Variants in DPF3 observed in about 807,000 individuals in gnomAD.
DPF3 encodes double PHD fingers 3.
A neutral mutation model predicts 56.8 loss-of-function variants in DPF3; 18 were observed. The observed-to-expected ratio is 0.32, with a 90% CI of 0.22 to 0.47. DPF3 has a LOEUF of 0.47. Among genes scored for constraint, DPF3 ranks in the 20% least tolerant of loss-of-function variants. The probability of loss-of-function intolerance (pLI) is 1.00; values close to 1 mark genes in which losing one functional copy is unlikely to be tolerated. For synonymous variants in DPF3, 188 were observed against 180.2 expected (o/e 1.04, Z -0.35); for missense variants, 403 against 488.8 (o/e 0.82, Z 1.65).
At chr14:72,768,179 AAAG>A (rs1891370224) in intron 2 of DPF3, among the ~76,000 whole-genome samples, 1 of 152,230 alleles carries the variant, frequency 6.6e-6, no homozygotes, top group African/African-American at 2.4e-5. Flanking sequence ...GTAAATGCTA[AAAG>A]AAGGAATCTT....
intron 1 of DPF3, among the ~76,000 whole-genome samples, chr14:72,800,504 G>A (rs1892836371): frequency 6.6e-6 from 1 of 152,016 alleles, no homozygotes; most frequent in East Asian, 1.9e-4. Context: ...ATGGATGGAT[G>A]CATGGATGGA....
chr14:72,766,532 G>A (rs1045078113), intron 2 of DPF3, among the ~76,000 whole-genome samples: 2 of 152,312 alleles, frequency 1.3e-5, no homozygotes, highest in East Asian at 1.9e-4. Flanking sequence ...GCTCACTGCA[G>A]CCTCAAACTC....
intron 3 of DPF3, chr14:72,742,294 C>T (rs1036142032): frequency 3.3e-5 from 5 of 152,254 alleles, no homozygotes; most frequent in East Asian, 1.9e-4. Context: ...TTCTCCCAGC[C>T]GTACCAAGCT....
At chr14:72,747,503 C>T (rs1043126372) in intron 3 of DPF3, among the ~76,000 whole-genome samples, 2 of 151,866 alleles carry the variant, frequency 1.3e-5, no homozygotes, top group African/African-American at 4.8e-5. Flanking sequence ...TACAGAGAGA[C>T]TGGCTGGGTG....
At chr14:72,733,278 G>A (rs1231933170) in intron 3 of DPF3, among the ~76,000 whole-genome samples, 1 of 152,168 alleles carries the variant, frequency 6.6e-6, no homozygotes, top group Non-Finnish European at 1.5e-5. Context: ...TGGTGTCCCA[G>A]AAAACAGGAG....
At chr14:72,728,235 G>T (rs1889487840) in intron 4 of DPF3, among the ~76,000 whole-genome samples, 1 of 152,218 alleles carries the variant, frequency 6.6e-6, no homozygotes, top group Non-Finnish European at 1.5e-5. Context: ...ACACAAGGAA[G>T]AAAGCAGTAG....
intron 1 of DPF3, among the ~76,000 whole-genome samples, chr14:72,803,039 AG>A (rs1892950226): frequency 1.3e-5 from 2 of 152,234 alleles, no homozygotes; most frequent in Admixed American, 6.5e-5. Flanking sequence ...GATAAAATAC[AG>A]GACTCCCAGT....
At chr14:72,848,616 T>A (rs76919223) in intron 1 of DPF3, among the ~76,000 whole-genome samples, 2,745 of 152,296 alleles carry the variant, frequency 0.018, 89 homozygotes, top group African/African-American at 0.062. Flanking sequence ...GCTCAGTAAA[T>A]ATTTGTTAGC....
intron 8 of DPF3, among the ~76,000 whole-genome samples, chr14:72,653,545 C>T (rs887571216): frequency 3.3e-5 from 5 of 152,232 alleles, no homozygotes; most frequent in African/African-American, 1.2e-4. Flanking sequence ...CAAGGAGCTT[C>T]ACGGCCAGCA....
intron 1 of DPF3, among the ~76,000 whole-genome samples, chr14:72,828,285 G>T (rs1171227266): frequency 6.6e-6 from 1 of 152,140 alleles, no homozygotes; most frequent in African/African-American, 2.4e-5. Flanking sequence ...GCCTTCAACA[G>T]GTTCATAGAG....
At chr14:72,692,232 A>C (rs2153572934) in intron 7 of DPF3, among the ~76,000 whole-genome samples, 1 of 152,312 alleles carries the variant, frequency 6.6e-6, no homozygotes, top group East Asian at 1.9e-4. Context: ...AACAAAATGA[A>C]AAACACATGG....
chr14:72,726,091 A>G (rs1030542367), intron 4 of DPF3, among the ~76,000 whole-genome samples: 1 of 152,224 alleles, frequency 6.6e-6, no homozygotes, highest in African/African-American at 2.4e-5. Context: ...AGGTGGGAAC[A>G]CTAGCAAAAG....
At chr14:72,888,755 A>AT (rs1055969249) in intron 1 of DPF3, among the ~76,000 whole-genome samples, 69 of 152,254 alleles carry the variant, frequency 4.5e-4, no homozygotes, top group Admixed American at 1.2e-3. Context: ...TGGTTGTGGG[A>AT]TTTTTTTGGC....
intron 1 of DPF3, among the ~76,000 whole-genome samples, chr14:72,810,541 G>T (rs959536608): frequency 6.6e-6 from 1 of 152,140 alleles, no homozygotes; most frequent in South Asian, 2.1e-4. Context: ...GTTAGAACTG[G>T]TGCAGCAGCT....
In DPF3 at chr14:72,612,468, C is replaced by T. The variant is rs775275041; in HGVS notation, c.*6829G>A. On this transcript the variant is annotated 3_prime_UTR_variant, in exon 11 of 11. Transcript: ENST00000556509. ...TAGTACCTAATTTAGGCTTCTTCAACTACATGTTGAAAATGTGCACGGGGT... is the reference window on the plus strand; with the variant it reads ...TAGTACCTAATTTAGGCTTCTTCAATTACATGTTGAAAATGTGCACGGGGT... The T allele has an allele frequency of 3.9e-5, 20 of 518,460 alleles. No homozygotes were observed. Among genetic ancestry groups the T allele is most frequent in the South Asian group, 2.8e-4 (20 of 71,534 alleles). The allele number at this position is 518,460 out of a possible 1,614,324, so 32.1% of individuals were successfully genotyped here. A position where few individuals can be genotyped will look rare whatever the true frequency, so the allele number is the denominator to read the frequency against.
intron 5 of DPF3, among the ~76,000 whole-genome samples, chr14:72,719,037 T>C (rs1037423534): frequency 2.0e-5 from 3 of 150,556 alleles, no homozygotes; most frequent in Non-Finnish European, 4.4e-5. Flanking sequence ...CCCAAAGTGC[T>C]GGGATTACAG....
intron 1 of DPF3, among the ~76,000 whole-genome samples, chr14:72,824,547 TTTTC>T (rs1167263577): frequency 7.1e-5 from 9 of 127,564 alleles, no homozygotes; most frequent in Admixed American, 6.4e-4. Context: ...TACGTTTTCT[TTTTC>T]TTTTTTTTTT....
intron 1 of DPF3, among the ~76,000 whole-genome samples, chr14:72,891,514 C>T (rs1383410000): frequency 6.6e-6 from 1 of 152,094 alleles, no homozygotes; most frequent in Non-Finnish European, 1.5e-5. Context: ...TCTAATTTAT[C>T]CCATGCATAA....
At chr14:72,741,060 A>G (rs1364649096) in intron 3 of DPF3, among the ~76,000 whole-genome samples, 1 of 151,982 alleles carries the variant, frequency 6.6e-6, no homozygotes, top group Non-Finnish European at 1.5e-5. Flanking sequence ...AATAAATAAA[A>G]TAAAATGAAT....
Sources: gnomAD v4.1 joint callset for allele counts (sites outside exome capture counted in the v4.1 genomes callset) on GRCh38, gnomAD v4.1.1 for gene constraint, MANE v1.5 for transcripts, NCBI Gene and HGNC (gene_info 2026-07-23, HGNC 2026-07-21) for gene names.